The following ASTN1 variants were observed in gnomAD, a reference collection of about 807,000 sequenced individuals.
ASTN1 encodes astrotactin 1.
In ASTN1, 41 loss-of-function variants were observed where a neutral mutation model predicts 140.7. That is an observed-to-expected ratio of 0.29 (90% CI 0.23 to 0.38). The LOEUF is 0.38. Ranked by LOEUF, ASTN1 falls within the 10% of genes least tolerant of loss-of-function variation. The probability of loss-of-function intolerance (pLI) is 1.00; values close to 1 mark genes in which losing one functional copy is unlikely to be tolerated. For missense variants in ASTN1, 1,479 were observed against 1,678.8 expected (o/e 0.88, Z 2.08); for synonymous variants, 640 against 652.2 (o/e 0.98, Z 0.29).
intron 1 of ASTN1, among the ~76,000 whole-genome samples, chr1:177,150,317 C>T (rs1558132123): frequency 6.7e-6 from 1 of 149,260 alleles, no homozygotes; most frequent in Non-Finnish European, 1.5e-5. Context: ...AACTATGGTA[C>T]CTTGAATGTA....
chr1:177,122,973 A>G (rs754249524), intron 1 of ASTN1, among the ~76,000 whole-genome samples: 5 of 152,118 alleles, frequency 3.3e-5, no homozygotes, highest in Admixed American at 6.5e-5. Context: ...GCGCTTCCTG[A>G]GGCATCAGCC....
chr1:176,906,489 A>G (rs538326029), intron 16 of ASTN1, among the ~76,000 whole-genome samples: 11 of 152,290 alleles, frequency 7.2e-5, no homozygotes, highest in African/African-American at 2.4e-4. Flanking sequence ...AGAAGAGTAG[A>G]CAATGATATG....
chr1:177,076,183 G>A (rs542452410), intron 1 of ASTN1, among the ~76,000 whole-genome samples: 1 of 150,916 alleles, frequency 6.6e-6, no homozygotes, highest in South Asian at 2.1e-4. Flanking sequence ...GGAGGCTGAG[G>A]CAGGAGAATC....
At chr1:176,860,746 C>T (rs768946373), downstream of ASTN1, among the ~76,000 whole-genome samples, 3 of 152,194 alleles carry the variant, frequency 2.0e-5, no homozygotes, top group Admixed American at 6.5e-5. Flanking sequence ...TAGGATGCCA[C>T]GCTCTCTGAT....
At chr1:177,102,655 T>C (rs1322630852) in intron 1 of ASTN1, among the ~76,000 whole-genome samples, 3 of 152,190 alleles carry the variant, frequency 2.0e-5, no homozygotes, top group African/African-American at 7.2e-5. Context: ...ATAATGGACA[T>C]AATTGGGTCA....
At chr1:177,002,952 G>C (rs1179491386) in intron 8 of ASTN1, among the ~76,000 whole-genome samples, 1 of 151,020 alleles carries the variant, frequency 6.6e-6, no homozygotes, top group African/African-American at 2.4e-5. Context: ...CCAATAATAA[G>C]CAGTGAGATT....
intron 1 of ASTN1, among the ~76,000 whole-genome samples, chr1:177,073,944 C>CA (rs1180119444): frequency 6.6e-6 from 1 of 151,700 alleles, no homozygotes. Flanking sequence ...CAAGAATAAC[C>CA]TTTTTTAATT....
intron 1 of ASTN1, among the ~76,000 whole-genome samples, chr1:177,089,270 C>T (rs1679626515): frequency 6.6e-6 from 1 of 152,108 alleles, no homozygotes; most frequent in African/African-American, 2.4e-5. Flanking sequence ...GAGGGTAGTC[C>T]CTGCAAGCCC....
intron 1 of ASTN1, among the ~76,000 whole-genome samples, chr1:177,162,510 C>T (rs1446724000): frequency 6.6e-6 from 1 of 152,220 alleles, no homozygotes; most frequent in East Asian, 1.9e-4. Flanking sequence ...GCAGAAAACC[C>T]GTTCTTATAA....
chr1:176,864,087 A>G lies in ASTN1; in HGVS notation c.*197T>C. ...ACTGCATGAAGCCACTGGCTGGCAG[A>G]TTTCCCAATCATGCAGATGGAGAAC... On this transcript the variant is annotated 3_prime_UTR_variant, in exon 23 of 23. Coordinates refer to ENST00000361833, the MANE Select transcript of ASTN1 (RefSeq NM_004319.3). 1 of 1,409,036 alleles carries G rather than the reference A, an allele frequency of 7.1e-7. No individual in the cohort carries two copies. Among genetic ancestry groups the G allele is most frequent in the Non-Finnish European group, 9.2e-7 (1 of 1,084,160 alleles). The allele number at this position is 1,409,036 out of a possible 1,614,324, so 87.3% of individuals were successfully genotyped here. A position where few individuals can be genotyped will look rare whatever the true frequency, so the allele number is the denominator to read the frequency against.
intron 1 of ASTN1, among the ~76,000 whole-genome samples, chr1:177,156,309 T>C (rs1683234598): frequency 6.6e-6 from 1 of 150,612 alleles, no homozygotes; most frequent in East Asian, 1.9e-4. Context: ...CACCATATGC[T>C]GCTTGGAGAA....
intron 8 of ASTN1, among the ~76,000 whole-genome samples, chr1:176,999,549 A>C (rs1674618498): frequency 6.6e-6 from 1 of 152,248 alleles, no homozygotes; most frequent in African/African-American, 2.4e-5. Context: ...TAAGGGGTTA[A>C]GTTCAACCTT....
At chr1:176,884,606 A>C in intron 18 of ASTN1, 116 bp from the exon 19 acceptor site, 1 of 1,209,988 alleles carries the variant, frequency 8.3e-7, no homozygotes, top group Non-Finnish European at 1.2e-6. Flanking sequence ...TACAAAAATG[A>C]TCTCTTTGAG....
At chr1:176,919,380 C>T (rs529594018) in intron 16 of ASTN1, among the ~76,000 whole-genome samples, 11 of 152,302 alleles carry the variant, frequency 7.2e-5, no homozygotes, top group South Asian at 4.1e-4. Context: ...ATGCAGGACA[C>T]GTGCTCAATA....
At chr1:176,980,374 T>C (rs1310197141) in intron 8 of ASTN1, among the ~76,000 whole-genome samples, 1 of 152,038 alleles carries the variant, frequency 6.6e-6, no homozygotes, top group Non-Finnish European at 1.5e-5. Context: ...GGACAGGTTT[T>C]TGGCACATGA....
At position 177,061,085 on chromosome 1, in the gene ASTN1, G is replaced by A; in HGVS notation, c.464C>T (p.Ser155Leu). ...AEEELRILHI[S>L]VMGGMIALLL... ...AGGCTGTTCTGCTCTTACCATGACT[G>A]AGATGTGGAGGATCCTCAGCTCCTC... Residue 155 changes from serine (S) to leucine (L), a missense_variant, in exon 2 of 23, where the codon TCA (serine) becomes TTA (leucine). Physicochemically the swap from Ser to Leu is moderately radical, Grantham distance 145. Transcript: ENST00000361833. 6.3e-7 allele frequency: 1 copy of A among 1,599,270 alleles called. No individual in the cohort carries two copies. The highest frequency in any genetic ancestry group is 1.3e-5 in the African/African-American group (1 of 74,618).
At chr1:176,880,577 C>T (rs1196993104) in intron 20 of ASTN1, among the ~76,000 whole-genome samples, 4 of 152,272 alleles carry the variant, frequency 2.6e-5, no homozygotes, top group East Asian at 3.9e-4. Context: ...AGGAGTTCTT[C>T]GCTGTTTTTG....
chr1:176,968,503 A>G (rs1461877878), intron 8 of ASTN1, among the ~76,000 whole-genome samples: 1 of 152,194 alleles, frequency 6.6e-6, no homozygotes, highest in African/African-American at 2.4e-5. Context: ...CCCAGTGGTC[A>G]CTTCACTGGG....
intron 1 of ASTN1, among the ~76,000 whole-genome samples, chr1:177,122,346 A>T (rs1190640273): frequency 6.6e-6 from 1 of 152,188 alleles, no homozygotes; most frequent in Non-Finnish European, 1.5e-5. Context: ...CCCAGAGAGT[A>T]GAACTGTCTT....
Sources: allele counts gnomAD v4.1 joint callset (sites outside exome capture counted in the v4.1 genomes callset), GRCh38; gene constraint gnomAD v4.1.1; transcripts MANE v1.5; gene names NCBI Gene and HGNC (gene_info 2026-07-23, HGNC 2026-07-21).